MIPOL1: variants seen among roughly 807,000 people sequenced by gnomAD.
The protein encoded by MIPOL1 is mirror-image polydactyly gene 1 protein.
In MIPOL1, 57 loss-of-function variants were observed where a neutral mutation model predicts 60.9. The observed-to-expected ratio is 0.94, with a 90% CI of 0.76 to 1.17. The LOEUF (loss-of-function observed/expected upper bound fraction) is 1.17. Ranked by LOEUF, MIPOL1 falls within the 50% of genes most tolerant of loss-of-function variation. The probability of loss-of-function intolerance (pLI) is 0.00; values close to 1 mark genes in which losing one functional copy is unlikely to be tolerated. For missense variants in MIPOL1, 551 were observed against 511.6 expected (o/e 1.08, Z -0.74); for synonymous variants, 179 against 168.8 (o/e 1.06, Z -0.47).
chr14:37,285,126 G>A (rs937631897), intron 6 of MIPOL1, among the ~76,000 whole-genome samples, 192 bp from the exon 7 acceptor site: 2 of 152,088 alleles, frequency 1.3e-5, no homozygotes, highest in East Asian at 1.9e-4. Flanking sequence ...TTTTTTAGGG[G>A]TATGAAGTGG....
intron 1 of MIPOL1, among the ~76,000 whole-genome samples, chr14:37,239,567 A>G (rs1031053898): frequency 1.3e-5 from 2 of 152,208 alleles, no homozygotes; most frequent in Non-Finnish European, 2.9e-5. Flanking sequence ...TATAGTTGAA[A>G]TTATAATTTT....
intron 3 of MIPOL1, among the ~76,000 whole-genome samples, chr14:37,248,485 T>C (rs1973543139): frequency 1.3e-5 from 2 of 151,094 alleles, no homozygotes; most frequent in South Asian, 2.1e-4. Flanking sequence ...AAGAGACACA[T>C]TGAGAGTGAT....
intron 11 of MIPOL1, among the ~76,000 whole-genome samples, chr14:37,461,959 G>C (rs570448457): frequency 5.1e-4 from 78 of 152,202 alleles, no homozygotes; most frequent in Admixed American, 1.3e-3. Context: ...CTACCATTCT[G>C]GGGTCTGGAA....
intron 9 of MIPOL1, among the ~76,000 whole-genome samples, chr14:37,312,845 G>A (rs2087476828): frequency 6.6e-6 from 1 of 151,986 alleles, no homozygotes; most frequent in African/African-American, 2.4e-5. Flanking sequence ...TCGAATTGTA[G>A]AAATATCTGG....
chr14:37,257,970 G>A (rs1975240224), intron 3 of MIPOL1, among the ~76,000 whole-genome samples: 1 of 152,058 alleles, frequency 6.6e-6, no homozygotes, highest in East Asian at 1.9e-4. Flanking sequence ...CTGACCTTTT[G>A]AAAAATTGGC....
chr14:37,250,888 GA>G (rs1973975524), intron 3 of MIPOL1, among the ~76,000 whole-genome samples: 1 of 151,972 alleles, frequency 6.6e-6, no homozygotes, highest in African/African-American at 2.4e-5. Context: ...CTTTACTGTA[GA>G]AACGCTTCTG....
intron 9 of MIPOL1, among the ~76,000 whole-genome samples, chr14:37,343,560 T>G (rs1595259280): frequency 6.6e-6 from 1 of 152,302 alleles, no homozygotes; most frequent in East Asian, 1.9e-4. Context: ...GGAAGATGTT[T>G]GATTATAATA....
At chr14:37,212,628 G>C (rs1966881240) in intron 1 of MIPOL1, among the ~76,000 whole-genome samples, 2 of 152,084 alleles carry the variant, frequency 1.3e-5, no homozygotes, top group African/African-American at 4.8e-5. Context: ...GACCCACCTG[G>C]GGCCTGGGGG....
chr14:37,540,238 T>C (rs1304914087), intron 12 of MIPOL1, among the ~76,000 whole-genome samples: 1 of 152,188 alleles, frequency 6.6e-6, no homozygotes. Context: ...CAACCCATTT[T>C]CCCATCTACT....
chr14:37,298,519 A>G (rs2086011269), intron 7 of MIPOL1, among the ~76,000 whole-genome samples: 1 of 152,224 alleles, frequency 6.6e-6, no homozygotes. Context: ...CAGGCAACCT[A>G]CAGAATGGGA....
At chr14:37,529,155 G>T (rs2095465507) in intron 12 of MIPOL1, among the ~76,000 whole-genome samples, 1 of 152,140 alleles carries the variant, frequency 6.6e-6, no homozygotes, top group Non-Finnish European at 1.5e-5. Context: ...TTGTTAGTCT[G>T]ACTACTTACT....
At chr14:37,302,930 A>G (rs1287706904) in intron 7 of MIPOL1, among the ~76,000 whole-genome samples, 1 of 151,898 alleles carries the variant, frequency 6.6e-6, no homozygotes, top group East Asian at 1.9e-4. Context: ...TTTCAGTAAT[A>G]TAGTCATTAA....
At chr14:37,384,834 T>C (rs1447503979) in intron 10 of MIPOL1, among the ~76,000 whole-genome samples, 1 of 152,014 alleles carries the variant, frequency 6.6e-6, no homozygotes, top group Non-Finnish European at 1.5e-5. Context: ...TTATAAGTAA[T>C]AGATTGATAT....
chr14:37,268,898 C>A, intron 5 of MIPOL1, 105 bp downstream of exon 5: 1 of 930,990 alleles, frequency 1.1e-6, no homozygotes, highest in Non-Finnish European at 1.6e-6. Context: ...GCACTTTAAT[C>A]ATTTAACAGT....
At chr14:37,495,678 T>C (rs1262137275) in intron 11 of MIPOL1, among the ~76,000 whole-genome samples, 1 of 130,992 alleles carries the variant, frequency 7.6e-6, no homozygotes, top group Non-Finnish European at 1.6e-5. Context: ...ATGGTATTTC[T>C]AGTTCTAGAT....
At chr14:37,445,770 A>T (rs975318205) in intron 11 of MIPOL1, among the ~76,000 whole-genome samples, 3 of 152,134 alleles carry the variant, frequency 2.0e-5, no homozygotes, top group African/African-American at 2.4e-5. Flanking sequence ...ATAACACCGC[A>T]TATCTACAAC....
intron 11 of MIPOL1, among the ~76,000 whole-genome samples, chr14:37,427,961 T>C (rs1012792510): frequency 2.6e-5 from 4 of 152,228 alleles, no homozygotes; most frequent in African/African-American, 9.6e-5. Flanking sequence ...ATAGAACTCA[T>C]AGATAATGGA....
chr14:37,198,954 C>T (rs527270716), intron 1 of MIPOL1, among the ~76,000 whole-genome samples: 1 of 152,052 alleles, frequency 6.6e-6, no homozygotes, highest in East Asian at 1.9e-4. Flanking sequence ...TCTATGCAAT[C>T]GTATGCCAAT....
At chr14:37,345,868 T>A (rs1478384962) in intron 9 of MIPOL1, among the ~76,000 whole-genome samples, 1 of 152,256 alleles carries the variant, frequency 6.6e-6, no homozygotes, top group Non-Finnish European at 1.5e-5. Context: ...TTAACGTATC[T>A]TACATGTGTA....
Sources: gnomAD v4.1 joint callset for allele counts (sites outside exome capture counted in the v4.1 genomes callset) on GRCh38, gnomAD v4.1.1 for gene constraint, MANE v1.5 for transcripts, NCBI Gene and HGNC (gene_info 2026-07-23, HGNC 2026-07-21) for gene names.